The following CCR7 variants were observed in gnomAD, a reference collection of about 807,000 sequenced individuals.
CCR7 encodes the protein C-C motif chemokine receptor 7.
A neutral mutation model predicts 26.0 loss-of-function variants in CCR7; 11 were observed. The ratio of observed to expected loss-of-function variants is 0.42; its 90% confidence interval spans 0.27 to 0.70. The LOEUF is 0.70. CCR7 is among the 30% of genes least tolerant of loss of function. The probability of loss-of-function intolerance (pLI) is 0.23; values close to 1 mark genes in which losing one functional copy is unlikely to be tolerated. For missense variants in CCR7, 360 were observed against 504.0 expected, an observed-to-expected ratio of 0.71 and a Z score of 2.74; for synonymous variants, 189 against 202.1, an observed-to-expected ratio of 0.94 and a Z score of 0.55.
chr17:40,565,392 T>C lies in CCR7; in HGVS notation c.10+8A>G. 1.9e-6 allele frequency: 3 copies of C among 1,612,630 alleles called. No individual in the cohort carries two copies. Among genetic ancestry groups the C allele is most frequent in the Non-Finnish European group, 2.5e-6 (3 of 1,178,664 alleles). The stretch of plus-strand genomic sequence containing the variant: ...ACTGTTCCTTCTCACATGAAGAGGC[T>C]CACTCACCCAGGTCCATGACGCTCT... On this transcript the variant is annotated splice_region_variant and intron_variant, in intron 1 of 2. Coordinates refer to ENST00000246657, the MANE Select transcript of CCR7 (RefSeq NM_001838.4).
intron 2 of CCR7, among the ~76,000 whole-genome samples, chr17:40,556,518 T>C (rs1480372676): frequency 1.3e-5 from 2 of 150,348 alleles, no homozygotes; most frequent in Admixed American, 1.3e-4. Flanking sequence ...CTGGTTAAAC[T>C]CTTTCTGTCT....
intron 2 of CCR7, among the ~76,000 whole-genome samples, chr17:40,557,508 C>T (rs1159525319): frequency 6.6e-6 from 1 of 152,220 alleles, no homozygotes; most frequent in African/African-American, 2.4e-5. Context: ...TTTCTTTGGC[C>T]ATTGCTAGCC....
At chr17:40,565,276 A>T in intron 1 of CCR7, 124 bp downstream of exon 1, 1 of 871,096 alleles carries the variant, frequency 1.1e-6, no homozygotes, top group Non-Finnish European at 2.0e-6. Flanking sequence ...ACCAAATCAG[A>T]ACTGATTTCT....
chr17:40,556,438 C>T (rs1362659779), intron 2 of CCR7, among the ~76,000 whole-genome samples: 1 of 152,196 alleles, frequency 6.6e-6, no homozygotes. Context: ...TTTGCCAAGT[C>T]TGAGAGACTC....
chr17:40,559,211 T>C (rs2036627306), intron 1 of CCR7, among the ~76,000 whole-genome samples: 1 of 152,156 alleles, frequency 6.6e-6, no homozygotes, highest in Non-Finnish European at 1.5e-5. Flanking sequence ...TCCCACCCCC[T>C]GTCTTGGCCC....
Position 40,555,864 on chromosome 17 carries a change from G to C in CCR7, c.61-46C>G, listed in dbSNP as rs751950812. Reference sequence around the variant, plus strand: ...GAAAACAGGCCAGTTTAGCTGGGTGGCTCCAACTCTGGCTGGGATTTAGCC... The same window carrying C: ...GAAAACAGGCCAGTTTAGCTGGGTGCCTCCAACTCTGGCTGGGATTTAGCC... On this transcript the variant is annotated intron_variant, in intron 2 of 2. Coordinates refer to ENST00000246657, the MANE Select transcript of CCR7 (RefSeq NM_001838.4). The surrounding 1 kb of genome is among the most constrained non-coding windows in gnomAD (Gnocchi z 5.6). 113 of 1,360,414 alleles carry C rather than the reference G, an allele frequency of 8.3e-5. 2 individuals carry two copies. The South Asian group carries it at 1.4e-3, about 17-fold the overall frequency. The allele number at this position is 1,360,414 out of a possible 1,614,324, so 84.3% of individuals were successfully genotyped here.
chr17:40,555,528 G>T lies in CCR7; in HGVS notation c.351C>A (p.Ser117Arg), dbSNP rs369179451. The T allele has an allele frequency of 6.2e-7, 1 of 1,613,994 alleles. No homozygotes were observed. The highest frequency in any genetic ancestry group is 1.3e-5 in the African/African-American group (1 of 74,908). ...FLLTLPFWAY[S>R]AAKSWVFGVH... is the part of the protein sequence containing the mutation. ...CACCGAAGACCCAGGACTTGGCCGCGCTGTAGGCCCAGAAGGGAAGGGTCA... is the reference window on the plus strand; with the variant it reads ...CACCGAAGACCCAGGACTTGGCCGCTCTGTAGGCCCAGAAGGGAAGGGTCA... The change falls in exon 3 of 3, where the codon AGC becomes AGA. Residue 117 changes from serine to arginine, a missense_variant. Ser to Arg is a moderately radical substitution (Grantham distance 110). Transcript: ENST00000246657. This position sits in a 1 kb window ranked among gnomAD's most constrained non-coding sequence, Gnocchi z 5.6.
rs934239500 is a variant in CCR7 at position 40,555,771 on chromosome 17, G to A, written c.108C>T (p.Asn36=). The part of the protein sequence containing the change: ...DEVTDDYIGD[N]TTVDYTLFES... ...CGAACAAAGTGTAGTCCACTGTGGTGTTGTCTCCGATGTAATCGTCCGTGA... is the reference window on the plus strand; with the variant it reads ...CGAACAAAGTGTAGTCCACTGTGGTATTGTCTCCGATGTAATCGTCCGTGA... The change falls in exon 3 of 3, where the codon AAC becomes AAT. Residue 36 remains asparagine (N), a synonymous_variant. Coordinates refer to ENST00000246657, the MANE Select transcript of CCR7 (RefSeq NM_001838.4). The surrounding 1 kb of genome is among the most constrained non-coding windows in gnomAD (Gnocchi z 5.6). 5.0e-6 allele frequency: 8 copies of A among 1,614,082 alleles called. No individual in the cohort carries two copies. The African/African-American group carries it at 1.1e-4, about 22-fold the overall frequency.
intron 1 of CCR7, among the ~76,000 whole-genome samples, chr17:40,563,560 C>T (rs1244505555): frequency 6.6e-6 from 1 of 152,106 alleles, no homozygotes; most frequent in Non-Finnish European, 1.5e-5. Flanking sequence ...CCACCTCTTG[C>T]TCCTTGCTGG....
chr17:40,560,580 A>C (rs953151202), intron 1 of CCR7: 1 of 152,242 alleles, frequency 6.6e-6, no homozygotes, highest in Non-Finnish European at 1.5e-5. Context: ...GGGCTACATA[A>C]ATAAATAGGT....
rs1357680023 is a variant in CCR7, at chr17:40,555,081, G to A, written c.798C>T (p.Ile266=). 5.0e-6 allele frequency: 8 copies of A among 1,614,072 alleles called. No individual in the cohort carries two copies. Among genetic ancestry groups the A allele is most frequent in the East Asian group, 2.2e-5 (1 of 44,888 alleles). ...AGACTATGAAGACCACGACCACAGC[G>A]ATGATCACCTTGATGGCCTTGTTGC... ...FERNKAIKVI[I]AVVVVFIVFQ... is the part of the protein sequence containing the mutation. The change falls in exon 3 of 3, where the codon ATC becomes ATT. Residue 266 remains isoleucine, a synonymous_variant. Transcript: ENST00000246657. This position sits in a 1 kb window ranked among gnomAD's most constrained non-coding sequence, Gnocchi z 5.6.
intron 1 of CCR7, among the ~76,000 whole-genome samples, chr17:40,562,617 C>A (rs1472354636): frequency 6.6e-6 from 1 of 152,156 alleles, no homozygotes; most frequent in Non-Finnish European, 1.5e-5. Flanking sequence ...TGATGGGTCC[C>A]CATTGTTTTC....
At chr17:40,561,558 A>T (rs764114141) in intron 1 of CCR7, among the ~76,000 whole-genome samples, 31 of 152,184 alleles carry the variant, frequency 2.0e-4, no homozygotes, top group Non-Finnish European at 3.8e-4. Context: ...AATGATCATC[A>T]TGAAAATTCC....
intron 1 of CCR7, chr17:40,560,550 C>T (rs1191135586): frequency 1.3e-5 from 2 of 152,370 alleles, no homozygotes; most frequent in East Asian, 1.9e-4. Context: ...GGAGTTCCTC[C>T]GGGAAGGAGA....
chr17:40,559,010 G>T, intron 1 of CCR7, 68 bp from the exon 2 acceptor site: 1 of 1,329,598 alleles, frequency 7.5e-7, no homozygotes, highest in Non-Finnish European at 1.1e-6. Flanking sequence ...AGAAAGCAGT[G>T]GAGGGGGAGA....
Position 40,555,414 on chromosome 17 carries a change from G to A in CCR7, c.465C>T (p.Tyr155=), listed in dbSNP as rs139129858. The part of the protein sequence containing the change: ...LLLLCISIDR[Y]VAIVQAVSAH... ...CTGAGACAGCCTGGACGATGGCCAC[G>A]TAGCGGTCAATGCTGATGCAAAGAA... The change falls in exon 3 of 3, where the codon TAC becomes TAT. Residue 155 remains tyrosine (Y), a synonymous_variant. Transcript: ENST00000246657. This position sits in a 1 kb window ranked among gnomAD's most constrained non-coding sequence, Gnocchi z 5.6. 201 of 1,613,986 alleles carry A rather than the reference G, an allele frequency of 1.2e-4. No homozygotes were observed. The African/African-American group carries it at 2.1e-3, about 17-fold the overall frequency.
In CCR7 at chr17:40,555,722, C is replaced by T. The variant is rs2036579655; in HGVS notation, c.157G>A (p.Val53Met). The T allele has an allele frequency of 6.2e-7, 1 of 1,614,018 alleles. No individual in the cohort carries two copies. Residue 53 changes from valine (V) to methionine (M), a missense_variant, in exon 3 of 3, where the codon GTG becomes ATG. By Grantham distance (21) the Val-to-Met change is conservative. Transcript: ENST00000246657. The surrounding 1 kb of genome is among the most constrained non-coding windows in gnomAD (Gnocchi z 5.6). ...AGGAACCAGGCTTTAAAGTTCCGCA[C>T]GTCCTTCTTGGAGCACAAAGACTCG... ...LFESLCSKKD[V>M]RNFKAWFLPI...
chr17:40,557,403 G>A (rs1399531234), intron 2 of CCR7, among the ~76,000 whole-genome samples: 1 of 152,210 alleles, frequency 6.6e-6, no homozygotes, highest in Non-Finnish European at 1.5e-5. Context: ...GGGATTCACC[G>A]CATCTTGTCT....
chr17:40,564,317 A>G (rs1241977244), intron 1 of CCR7, among the ~76,000 whole-genome samples: 3 of 152,208 alleles, frequency 2.0e-5, no homozygotes, highest in Admixed American at 6.5e-5. Flanking sequence ...ACCCTTTCAC[A>G]GCTGTTTGCT....
Sources: allele counts gnomAD v4.1 joint callset (sites outside exome capture counted in the v4.1 genomes callset), GRCh38; gene constraint gnomAD v4.1.1; non-coding constraint Gnocchi (gnomAD v3.1); transcripts MANE v1.5; gene names NCBI Gene and HGNC (gene_info 2026-07-23, HGNC 2026-07-21).